The following OSTN variants were observed in gnomAD, a reference collection of about 807,000 sequenced individuals.
The protein encoded by OSTN is osteocrin.
OSTN carries 9 observed loss-of-function variants against 12.0 expected under a neutral mutation model. The observed-to-expected ratio is 0.75, with a 90% CI of 0.45 to 1.30. The LOEUF (loss-of-function observed/expected upper bound fraction) is 1.30, where lower values mean the gene tolerates loss of function less well. Among genes scored for constraint, OSTN ranks in the 50% most tolerant of loss-of-function variants. The pLI is 0.00. For synonymous variants in OSTN, 59 were observed against 56.9 expected, an observed-to-expected ratio of 1.04 and a Z score of -0.16; for missense variants, 148 against 152.3, an observed-to-expected ratio of 0.97 and a Z score of 0.15.
intron 4 of OSTN, among the ~76,000 whole-genome samples, chr3:191,254,162 C>CAGAT (rs1179481879): frequency 2.0e-5 from 3 of 152,112 alleles, no homozygotes; most frequent in Non-Finnish European, 4.4e-5. Flanking sequence ...ATATGTGATG[C>CAGAT]AGATAAACAG....
chr3:191,239,958 GGAAGCCCTGT>G (rs1246929449), intron 3 of OSTN, among the ~76,000 whole-genome samples: 1 of 152,156 alleles, frequency 6.6e-6, no homozygotes, highest in Non-Finnish European at 1.5e-5. Context: ...GAAAACAACA[GGAAGCCCTGT>G]GAAATTCAGA....
rs1184676959 is a variant in OSTN at position 191,204,170 on chromosome 3, GTGAGCCACCGTGCCCAGC to G, written c.-1+4867_-1+4884del. Among the ~76,000 whole-genome samples, 4 of 152,312 alleles carry G rather than the reference GTGAGCCACCGTGCCCAGC, an allele frequency of 2.6e-5. No homozygotes were observed. The South Asian group carries it at 8.3e-4, about 32-fold the overall frequency. ...ATCCCAAAGTGCTGGGATCACAGGC[GTGAGCCACCGTGCCCAGC>G]TGATATTTTAATTTTTTTTTAACGG... On this transcript the variant is annotated intron_variant, in intron 1 of 4. Transcript: ENST00000682035.
rs529397924 is a variant in OSTN at position 191,247,465 on chromosome 3, C to T, written c.318-2572C>T. ...ACTTTTTTCCTAGTTTTTTTCTCAC[C>T]GAATTGATCAAATTTTTATCTAGGA... On this transcript the variant is annotated intron_variant, in intron 3 of 4. Coordinates refer to ENST00000682035, the MANE Select transcript of OSTN (RefSeq NM_198184.2). Among the ~76,000 whole-genome samples, 77 of 151,638 alleles carry T rather than the reference C, an allele frequency of 5.1e-4. 1 individual carries two copies. Among genetic ancestry groups the T allele is most frequent in the Non-Finnish European group, 6.2e-4 (42 of 67,974 alleles).
At chr3:191,199,853 G>A (rs1441518181) in intron 1 of OSTN, among the ~76,000 whole-genome samples, 1 of 152,080 alleles carries the variant, frequency 6.6e-6, no homozygotes, top group Non-Finnish European at 1.5e-5. Flanking sequence ...TAGACTTAGA[G>A]TATGCCTGTT....
Position 191,204,212 on chromosome 3 carries a change from G to A in OSTN, c.-1+4905G>A, listed in dbSNP as rs113407507. On this transcript the variant is annotated intron_variant, in intron 1 of 4. Coordinates refer to ENST00000682035, the MANE Select transcript of OSTN (RefSeq NM_198184.2). ...GCTGATATTTTAATTTTTTTTTAAC[G>A]GGAAATGTTAAATTTCTCAATGTCA... Among the ~76,000 whole-genome samples, 559 of 151,980 alleles carry A rather than the reference G, an allele frequency of 3.7e-3. 4 individuals are homozygous for A. Among genetic ancestry groups the A allele is most frequent in the African/African-American group, 0.013 (533 of 41,464 alleles).
chr3:191,204,994 A>G (rs1714236147), intron 1 of OSTN, among the ~76,000 whole-genome samples: 1 of 152,184 alleles, frequency 6.6e-6, no homozygotes, highest in Non-Finnish European at 1.5e-5. Context: ...GTTTCTACAT[A>G]CTATTTTAGT....
At chr3:191,238,851 G>A (rs749537101) in intron 3 of OSTN, among the ~76,000 whole-genome samples, 16 of 152,140 alleles carry the variant, frequency 1.1e-4, no homozygotes, top group Non-Finnish European at 1.8e-4. Flanking sequence ...TATGTATGAA[G>A]CTTTAAAACT....
chr3:191,212,201 T>C (rs1714476232), intron 1 of OSTN, among the ~76,000 whole-genome samples: 1 of 152,220 alleles, frequency 6.6e-6, no homozygotes, highest in South Asian at 2.1e-4. Flanking sequence ...CTCAGTTACA[T>C]ATATAATGTT....
In OSTN at chr3:191,244,431, G is replaced by A. The variant is rs16866362; in HGVS notation, c.318-5606G>A. Among the ~76,000 whole-genome samples, 104 of 151,606 alleles carry A rather than the reference G, an allele frequency of 6.9e-4. 2 individuals are homozygous for A. The East Asian group carries it at 0.013, about 18-fold the overall frequency. On this transcript the variant is annotated intron_variant, in intron 3 of 4. Coordinates refer to ENST00000682035, the MANE Select transcript of OSTN (RefSeq NM_198184.2). ...TAAATGCATATATCATATAAGCCAT[G>A]TCATACCATTATTTTGTCACAAGAG...
At chr3:191,230,760 C>T (rs540115375) in intron 3 of OSTN, among the ~76,000 whole-genome samples, 98 of 152,172 alleles carry the variant, frequency 6.4e-4, no homozygotes, top group Non-Finnish European at 1.1e-3. Context: ...ACCCATATAA[C>T]GTTAATCAAC....
chr3:191,227,133 C>T (rs1714932314), intron 3 of OSTN, among the ~76,000 whole-genome samples: 1 of 143,842 alleles, frequency 7.0e-6, no homozygotes, highest in Non-Finnish European at 1.6e-5. Context: ...TAATAAAGAA[C>T]CTTGAAAAAT....
intron 1 of OSTN, among the ~76,000 whole-genome samples, chr3:191,211,047 CT>C (rs533084124): frequency 1.6e-3 from 243 of 152,228 alleles, no homozygotes; most frequent in Admixed American, 2.9e-3. Flanking sequence ...TACATATTTG[CT>C]TTAAAATACA....
chr3:191,206,001 A>T (rs775458958), intron 1 of OSTN, among the ~76,000 whole-genome samples: 1 of 152,166 alleles, frequency 6.6e-6, no homozygotes, highest in Non-Finnish European at 1.5e-5. Flanking sequence ...CCTGGCCAAC[A>T]TGGCGAAACC....
In OSTN at chr3:191,241,613, A is replaced by T. The variant is rs555838895; in HGVS notation, c.318-8424A>T. On this transcript the variant is annotated intron_variant, in intron 3 of 4. Coordinates refer to ENST00000682035, the MANE Select transcript of OSTN (RefSeq NM_198184.2). ...TCCAAGTTTCTTTTCTTGGAACTCG[A>T]AACTATAAACAGGATCATTAAAAGT... Among the ~76,000 whole-genome samples the T allele has an allele frequency of 2.0e-5, 3 of 152,324 alleles. No homozygotes were observed. The East Asian group carries it at 5.8e-4, about 29-fold the overall frequency.
At chr3:191,212,493 CA>C (rs751823131) in intron 1 of OSTN, 39 bp from the exon 2 acceptor site, 1 of 1,378,336 alleles carries the variant, frequency 7.3e-7, no homozygotes, top group Non-Finnish European at 1.0e-6. Flanking sequence ...CTTTACATTC[CA>C]AACGAATCAA....
intron 2 of OSTN, among the ~76,000 whole-genome samples, chr3:191,212,867 CTTTT>C (rs397991965): frequency 2.1e-5 from 2 of 93,080 alleles, no homozygotes; most frequent in African/African-American, 4.0e-5. Context: ...TCTTTTCTTT[CTTTT>C]TTTTTTTTTT....
rs192299875 is a variant in OSTN, at chr3:191,232,666, T to C, written c.317+13705T>C. Among the ~76,000 whole-genome samples, 150 of 148,874 alleles carry C rather than the reference T, an allele frequency of 1.0e-3. 1 individual carries two copies. Among genetic ancestry groups the C allele is most frequent in the African/African-American group, 3.5e-3 (141 of 40,362 alleles). On this transcript the variant is annotated intron_variant, in intron 3 of 4. Transcript: ENST00000682035. The stretch of plus-strand genomic sequence containing the variant: ...CCCAGGCTGGAGTGCAATGGTGAGA[T>C]CTCGGCTCACTGCTCCCTCCACCTC...
At chr3:191,232,506 C>CTATATATATATATATATA (rs150235705) in intron 3 of OSTN, among the ~76,000 whole-genome samples, 1 of 146,322 alleles carries the variant, frequency 6.8e-6, no homozygotes, top group Non-Finnish European at 1.5e-5. Context: ...AAAGTAAATG[C>CTATATATATATATATATA]TATATATATA....
At chr3:191,209,629 G>A (rs1301110993) in intron 1 of OSTN, among the ~76,000 whole-genome samples, 2 of 152,176 alleles carry the variant, frequency 1.3e-5, no homozygotes, top group Admixed American at 6.5e-5. Context: ...AAATGTTATA[G>A]ACAGTGCTAA....
Sources: gnomAD v4.1 joint callset for allele counts (sites outside exome capture counted in the v4.1 genomes callset) on GRCh38, gnomAD v4.1.1 for gene constraint, MANE v1.5 for transcripts, NCBI Gene and HGNC (gene_info 2026-07-23, HGNC 2026-07-21) for gene names.